Variants in MCFD2 observed in about 807,000 individuals in gnomAD.
MCFD2 encodes the protein multiple coagulation factor deficiency protein 2.
MCFD2 carries 11 observed loss-of-function variants against 12.8 expected under a neutral mutation model. That is an observed-to-expected ratio of 0.86 (90% CI 0.54 to 1.42). The LOEUF is 1.42. Among genes scored for constraint, MCFD2 ranks in the 40% most tolerant of loss-of-function variants. MCFD2 has a pLI of 0.00. For synonymous variants in MCFD2, 70 were observed against 68.1 expected, an observed-to-expected ratio of 1.03 and a Z score of -0.14; for missense variants, 191 against 178.6, an observed-to-expected ratio of 1.07 and a Z score of -0.40.
upstream of MCFD2, among the ~76,000 whole-genome samples, chr2:46,918,618 T>C (rs1427148165): frequency 1.3e-5 from 2 of 152,226 alleles, no homozygotes; most frequent in Admixed American, 6.5e-5. Flanking sequence ...GAGGTTAAGG[T>C]AGCCAGTGTT....
Position 46,908,106 on chromosome 2 carries a change from C to CG in MCFD2, c.150-138_150-137insC, listed in dbSNP as rs1247247862. ...AACACCAGCAGTGGCAGACCACACT[C>CG]AAGGATTACACAGAGATAGACAAGG... On this transcript the variant is annotated intron_variant, in intron 2 of 3. Transcript: ENST00000319466. This position sits in a 1 kb window ranked among gnomAD's most constrained non-coding sequence, Gnocchi z 4.5. 1.1e-6 allele frequency: 1 copy of CG among 893,500 alleles called. No homozygotes were observed. The highest frequency in any genetic ancestry group is 1.6e-5 in the African/African-American group (1 of 60,910). 55.3% of individuals were successfully genotyped at this position (893,500 alleles called of 1,614,324 possible).
At position 46,905,308 on chromosome 2, in the gene MCFD2, C is replaced by CT; in HGVS notation, c.*154dup. On this transcript the variant is annotated 3_prime_UTR_variant, in exon 4 of 4. Transcript: ENST00000319466. ...CCCATTTCTCTTCTCTTTCATTTCT[C>CT]TTATCTCTTCTCACCCCAGTGTAAC... 1.3e-6 allele frequency: 1 copy of CT among 778,228 alleles called. No individual in the cohort carries two copies. Among genetic ancestry groups the CT allele is most frequent in the South Asian group, 1.4e-5 (1 of 69,844 alleles). 48.2% of individuals were successfully genotyped at this position (778,228 alleles called of 1,614,324 possible). A position where few individuals can be genotyped will look rare whatever the true frequency, so the allele number is the denominator to read the frequency against.
intron 1 of MCFD2, among the ~76,000 whole-genome samples, chr2:46,910,622 C>G (rs1668446599): frequency 6.6e-6 from 1 of 152,136 alleles, no homozygotes; most frequent in African/African-American, 2.4e-5. Context: ...AGGGCAGAAC[C>G]CTGAAAGTGT....
rs963489348 is a variant in MCFD2, at chr2:46,940,904, C to T, written c.-8+668G>A. 9.2e-5 allele frequency among the ~76,000 whole-genome samples: 14 copies of T among 152,098 alleles called. No individual in the cohort carries two copies. The highest frequency in any genetic ancestry group is 7.4e-5 in the Non-Finnish European group (5 of 68,002). ...GTCAGGGGCAGCAGCGGTGACGGGGCCACCACACAAAGCCAGGTCGTCGGG... is the reference window on the plus strand; with the variant it reads ...GTCAGGGGCAGCAGCGGTGACGGGGTCACCACACAAAGCCAGGTCGTCGGG... On this transcript the variant is annotated intron_variant, in intron 1 of 2. Coordinates refer to the MCFD2 transcript ENST00000409147. The surrounding 1 kb of genome is among the most constrained non-coding windows in gnomAD (Gnocchi z 4.7).
At chr2:46,906,747 C>T (rs1243002572) in intron 3 of MCFD2, 1 of 152,678 alleles carries the variant, frequency 6.5e-6, no homozygotes, top group African/African-American at 2.4e-5. Context: ...CTCAACCTCC[C>T]AAAGTGCTGG....
chr2:46,930,087 A>ATAACC (rs1553360117), intron 1 of MCFD2, among the ~76,000 whole-genome samples: 1 of 152,186 alleles, frequency 6.6e-6, no homozygotes, highest in Non-Finnish European at 1.5e-5. Context: ...ACTATGTATC[A>ATAACC]TAACCTAACC....
chr2:46,922,305 T>TA (rs1423660177), intron 1 of MCFD2, among the ~76,000 whole-genome samples: 4 of 152,230 alleles, frequency 2.6e-5, no homozygotes, highest in African/African-American at 7.2e-5. Context: ...TGAGCGTTTT[T>TA]ATAATTTTTG....
At position 46,908,143 on chromosome 2, in the gene MCFD2, G is replaced by A. The variant is rs530930895; in HGVS notation, c.150-174C>T. On this transcript the variant is annotated intron_variant, in intron 2 of 3. Transcript: ENST00000319466. This position sits in a 1 kb window ranked among gnomAD's most constrained non-coding sequence, Gnocchi z 4.5. ...AGAGATAGACAAGGCCTTGAGAGGAGCAGGAAAAGTCAAATAGACCATCTG... is the reference window on the plus strand; with the variant it reads ...AGAGATAGACAAGGCCTTGAGAGGAACAGGAAAAGTCAAATAGACCATCTG... 2.3e-4 allele frequency: 161 copies of A among 702,842 alleles called. 1 individual carries two copies. In the South Asian group the frequency reaches 2.4e-3, roughly 11 times the overall value. 43.5% of individuals were successfully genotyped at this position (702,842 alleles called of 1,614,324 possible). A position where few individuals can be genotyped will look rare whatever the true frequency, so the allele number is the denominator to read the frequency against.
At position 46,915,750 on chromosome 2, in the gene MCFD2, GC is replaced by G. The variant is rs1277259165; in HGVS notation, c.-35del. Reference sequence around the variant, plus strand: ...TTACGGTCTCCGAAGCAGACGCGAAGCCCTCCAACGTGAGCCTCACCAGCCC... The same window carrying G: ...TTACGGTCTCCGAAGCAGACGCGAAGCCTCCAACGTGAGCCTCACCAGCCC... On this transcript the variant is annotated 5_prime_UTR_variant, in exon 1 of 4. Transcript: ENST00000319466. 1 of 976,592 alleles carries G rather than the reference GC, an allele frequency of 1.0e-6. No individual in the cohort carries two copies. Among genetic ancestry groups the G allele is most frequent in the Non-Finnish European group, 1.2e-6 (1 of 825,090 alleles). The allele number at this position is 976,592 out of a possible 1,614,324, so 60.5% of individuals were successfully genotyped here. A position where few individuals can be genotyped will look rare whatever the true frequency, so the allele number is the denominator to read the frequency against.
intron 1 of MCFD2, among the ~76,000 whole-genome samples, chr2:46,927,608 C>G (rs1669458130): frequency 1.3e-5 from 2 of 151,988 alleles, no homozygotes; most frequent in Non-Finnish European, 2.9e-5. Flanking sequence ...GATCTGCTCT[C>G]CTCGGCCTCC....
At chr2:46,938,998 G>A (rs1402994351) in intron 1 of MCFD2, among the ~76,000 whole-genome samples, 12 of 146,506 alleles carry the variant, frequency 8.2e-5, no homozygotes, top group South Asian at 2.2e-4. Flanking sequence ...GCAACAGAGC[G>A]AGACTCTGTC....
chr2:46,919,332 G>A (rs189935600), upstream of MCFD2, among the ~76,000 whole-genome samples: 14 of 152,318 alleles, frequency 9.2e-5, no homozygotes, highest in Admixed American at 7.8e-4. Flanking sequence ...TCAGGAGTTC[G>A]AGACCAGCCT....
rs1286199332 is a variant in MCFD2 at position 46,907,403 on chromosome 2, G to C, written c.309+407C>G. 1 of 186,128 alleles carries C rather than the reference G, an allele frequency of 5.4e-6. No individual in the cohort carries two copies. Among genetic ancestry groups the C allele is most frequent in the Non-Finnish European group, 1.1e-5 (1 of 88,654 alleles). 11.5% of individuals were successfully genotyped at this position (186,128 alleles called of 1,614,324 possible). On this transcript the variant is annotated intron_variant, in intron 3 of 3. Coordinates refer to ENST00000319466, the MANE Select transcript of MCFD2 (RefSeq NM_139279.6). This position sits in a 1 kb window ranked among gnomAD's most constrained non-coding sequence, Gnocchi z 4.1. ...TTTTCTTTTCTTTTTTTCTCTTTTT[G>C]AGACAAGGCCTCACTCTGTTGCCCA... is the stretch of plus-strand genomic sequence containing the variant.
rs1668069034 is a variant in MCFD2 at position 46,902,913 on chromosome 2, G to A, written c.*2550C>T. 1 of 152,340 alleles carries A rather than the reference G, an allele frequency of 6.6e-6. No homozygotes were observed. The highest frequency in any genetic ancestry group is 3.4e-3 in the Middle Eastern group (1 of 294). The allele number at this position is 152,340 out of a possible 1,614,324, so 9.4% of individuals were successfully genotyped here. A position where few individuals can be genotyped will look rare whatever the true frequency, so the allele number is the denominator to read the frequency against. On this transcript the variant is annotated 3_prime_UTR_variant, in exon 4 of 4. Transcript: ENST00000319466. The stretch of plus-strand genomic sequence containing the variant: ...CCTGTTGTTTTACTTTTCAGGTGAT[G>A]TGAATTAAAATTAAGAAACTAGCAG...
chr2:46,923,372 G>A (rs927146982), intron 1 of MCFD2, among the ~76,000 whole-genome samples: 1 of 152,174 alleles, frequency 6.6e-6, no homozygotes, highest in African/African-American at 2.4e-5. Flanking sequence ...TTACCTGGGG[G>A]CTGCCAGCCA....
At chr2:46,918,022 T>C (rs148049696), upstream of MCFD2, among the ~76,000 whole-genome samples, 19 of 152,334 alleles carry the variant, frequency 1.2e-4, 1 homozygote, top group East Asian at 3.7e-3. Flanking sequence ...TTAGATACCA[T>C]TTATAAATAG....
rs1670282131 is a variant in MCFD2 at position 46,940,981 on chromosome 2, CG to C, written c.-8+590del. ...GATGGGATGGGGAGGGGGCGGGAAG[CG>C]AGGCGCCCCCGGGCGCCGGGGCTCC... On this transcript the variant is annotated intron_variant, in intron 1 of 2. Transcript: ENST00000409147. The surrounding 1 kb of genome is among the most constrained non-coding windows in gnomAD (Gnocchi z 4.7). 6.6e-6 allele frequency among the ~76,000 whole-genome samples: 1 copy of C among 151,594 alleles called. No homozygotes were observed. The highest frequency in any genetic ancestry group is 2.4e-5 in the African/African-American group (1 of 41,026).
At chr2:46,939,078 C>T (rs879595935) in intron 1 of MCFD2, among the ~76,000 whole-genome samples, 8 of 150,990 alleles carry the variant, frequency 5.3e-5, no homozygotes, top group Non-Finnish European at 1.0e-4. Flanking sequence ...GAGTTTAAGA[C>T]CAGCCTGGGC....
Position 46,905,180 on chromosome 2 carries a change from C to T in MCFD2, c.*283G>A, listed in dbSNP as rs753705093. The T allele has an allele frequency of 7.4e-6, 3 of 407,778 alleles. No homozygotes were observed. Among genetic ancestry groups the T allele is most frequent in the African/African-American group, 2.0e-5 (1 of 48,894 alleles). The allele number at this position is 407,778 out of a possible 1,614,324, so 25.3% of individuals were successfully genotyped here. A position where few individuals can be genotyped will look rare whatever the true frequency, so the allele number is the denominator to read the frequency against. ...GTAAACCTCTTTTTCTTCCCAGTCT[C>T]GGGTACGTCTTTATCAGCAGCATTA... On this transcript the variant is annotated 3_prime_UTR_variant, in exon 4 of 4. Transcript: ENST00000319466.
Sources: allele counts gnomAD v4.1 joint callset (sites outside exome capture counted in the v4.1 genomes callset), GRCh38; gene constraint gnomAD v4.1.1; non-coding constraint Gnocchi (gnomAD v3.1); transcripts MANE v1.5; gene names NCBI Gene and HGNC (gene_info 2026-07-23, HGNC 2026-07-21).